The following BBX variants were observed in gnomAD, a reference collection of about 807,000 sequenced individuals.
The protein encoded by BBX is HMG box transcription factor BBX.
A neutral mutation model predicts 100.2 loss-of-function variants in BBX; 30 were observed. That is an observed-to-expected ratio of 0.30 (90% CI 0.22 to 0.41). The LOEUF (loss-of-function observed/expected upper bound fraction) is 0.41. BBX is among the 10% of genes least tolerant of loss of function. BBX has a pLI of 1.00. For missense variants in BBX, 1,023 were observed against 1,129.8 expected (o/e 0.91, Z 1.35); for synonymous variants, 376 against 388.1 (o/e 0.97, Z 0.37).
At chr3:107,622,951 A>G (rs2055889801) in intron 2 of BBX, among the ~76,000 whole-genome samples, 1 of 152,174 alleles carries the variant, frequency 6.6e-6, no homozygotes, top group Non-Finnish European at 1.5e-5. Context: ...TTGCCACCCA[A>G]TGGCCAGTTT....
intron 13 of BBX, among the ~76,000 whole-genome samples, chr3:107,781,209 C>A (rs1383676666): frequency 1.3e-5 from 2 of 151,968 alleles, no homozygotes; most frequent in African/African-American, 2.4e-5. Context: ...TCTCCATATT[C>A]GTATCTGTAT....
chr3:107,796,248 A>C (rs112163933), intron 15 of BBX, among the ~76,000 whole-genome samples: 1 of 152,128 alleles, frequency 6.6e-6, no homozygotes, highest in Non-Finnish European at 1.5e-5. Context: ...ATCTTTCCCA[A>C]CCGACTTGGC....
chr3:107,619,515 T>C (rs1464268115), intron 2 of BBX, among the ~76,000 whole-genome samples: 1 of 152,058 alleles, frequency 6.6e-6, no homozygotes, highest in Non-Finnish European at 1.5e-5. Flanking sequence ...CTTATTATAT[T>C]TACCCATATT....
chr3:107,787,994 T>C (rs1256170556), intron 13 of BBX, among the ~76,000 whole-genome samples: 1 of 152,160 alleles, frequency 6.6e-6, no homozygotes, highest in Non-Finnish European at 1.5e-5. Context: ...GTAATGGAGC[T>C]CTGGATCTCT....
intron 17 of BBX, among the ~76,000 whole-genome samples, chr3:107,801,776 G>C (rs1213469435): frequency 6.6e-6 from 1 of 152,102 alleles, no homozygotes; most frequent in Non-Finnish European, 1.5e-5. Context: ...TGATGGTGTT[G>C]GTGCCATCAC....
chr3:107,679,854 T>A (rs2059484097), intron 3 of BBX, among the ~76,000 whole-genome samples: 1 of 152,200 alleles, frequency 6.6e-6, no homozygotes, highest in Non-Finnish European at 1.5e-5. Context: ...AGCCATATTT[T>A]AAAATGAGTT....
chr3:107,744,405 C>G (rs1195934813), intron 7 of BBX, among the ~76,000 whole-genome samples: 1 of 152,082 alleles, frequency 6.6e-6, no homozygotes, highest in Non-Finnish European at 1.5e-5. Context: ...TTTTGAATAA[C>G]AGTTGACTAC....
chr3:107,786,061 G>A (rs2068389839), intron 13 of BBX, among the ~76,000 whole-genome samples: 1 of 151,932 alleles, frequency 6.6e-6, no homozygotes, highest in Non-Finnish European at 1.5e-5. Flanking sequence ...ATGAGATTAG[G>A]AACACAATTC....
At chr3:107,626,913 T>C (rs1199702152) in intron 2 of BBX, among the ~76,000 whole-genome samples, 1 of 152,032 alleles carries the variant, frequency 6.6e-6, no homozygotes, top group Non-Finnish European at 1.5e-5. Context: ...TCTTGGCCTC[T>C]AGTGCTAAGA....
chr3:107,619,145 C>T (rs1395482003), intron 2 of BBX, among the ~76,000 whole-genome samples: 1 of 152,032 alleles, frequency 6.6e-6, no homozygotes, highest in Non-Finnish European at 1.5e-5. Context: ...GTGTTTCTGT[C>T]TGTGATCATT....
At chr3:107,594,467 G>C (rs1462437648) in intron 2 of BBX, among the ~76,000 whole-genome samples, 1 of 152,188 alleles carries the variant, frequency 6.6e-6, no homozygotes, top group African/African-American at 2.4e-5. Context: ...CGGCAGCGGA[G>C]ATGACAATGA....
chr3:107,695,682 G>T (rs2060537572), intron 3 of BBX, among the ~76,000 whole-genome samples: 3 of 151,642 alleles, frequency 2.0e-5, no homozygotes, highest in Non-Finnish European at 4.4e-5. Flanking sequence ...GTTGATTTGG[G>T]GTGGAGAGTT....
At chr3:107,531,058 T>G (rs965054874) in intron 2 of BBX, among the ~76,000 whole-genome samples, 3 of 152,188 alleles carry the variant, frequency 2.0e-5, no homozygotes, top group African/African-American at 7.2e-5. Flanking sequence ...TAGCAGGTGA[T>G]TCTAAAGCAA....
At position 107,574,038 on chromosome 3, in the gene BBX, A is replaced by G. The variant is rs115811239; in HGVS notation, c.-84+47640A>G. On this transcript the variant is annotated intron_variant, in intron 2 of 17. Coordinates refer to ENST00000325805, the MANE Select transcript of BBX (RefSeq NM_001142568.3). Reference sequence around the variant, plus strand: ...CCACTCCCAGCAAATCTTTTTCTTTATAAGTATTCTTATGTTTGTTCAGAC... The same window carrying G: ...CCACTCCCAGCAAATCTTTTTCTTTGTAAGTATTCTTATGTTTGTTCAGAC... 6.7e-3 allele frequency among the ~76,000 whole-genome samples: 1,013 copies of G among 152,316 alleles called. 6 individuals are homozygous for G. Among genetic ancestry groups the G allele is most frequent in the African/African-American group, 0.023 (944 of 41,584 alleles).
At position 107,556,227 on chromosome 3, in the gene BBX, C is replaced by A. The variant is rs114928404; in HGVS notation, c.-84+29829C>A. Among the ~76,000 whole-genome samples the A allele has an allele frequency of 2.4e-3, 371 of 152,244 alleles. 2 individuals are homozygous for A. Among genetic ancestry groups the A allele is most frequent in the African/African-American group, 8.3e-3 (345 of 41,536 alleles). On this transcript the variant is annotated intron_variant, in intron 2 of 17. Transcript: ENST00000325805. Reference sequence around the variant, plus strand: ...CTTTGCCTTTCATTTTAGAAAATTACTGGTTAATAGACTCCACTGCCTATT... The same window carrying A: ...CTTTGCCTTTCATTTTAGAAAATTAATGGTTAATAGACTCCACTGCCTATT...
chr3:107,560,700 G>A (rs550555416), intron 2 of BBX, among the ~76,000 whole-genome samples: 76 of 152,258 alleles, frequency 5.0e-4, no homozygotes, highest in African/African-American at 1.8e-3. Context: ...AAAGTTTCTG[G>A]AATTCATATT....
intron 10 of BBX, among the ~76,000 whole-genome samples, chr3:107,767,357 G>T (rs1363642003): frequency 6.6e-6 from 1 of 152,106 alleles, no homozygotes; most frequent in Admixed American, 6.5e-5. Context: ...GGCAGAGGCA[G>T]CTTGTCTTCC....
intron 2 of BBX, among the ~76,000 whole-genome samples, chr3:107,609,997 C>A (rs991805411): frequency 2.6e-5 from 4 of 151,998 alleles, no homozygotes; most frequent in African/African-American, 9.7e-5. Flanking sequence ...ATTGTAGGCA[C>A]TTATAGCTAT....
chr3:107,794,496 C>T (rs1465243467), intron 15 of BBX, among the ~76,000 whole-genome samples: 1 of 151,954 alleles, frequency 6.6e-6, no homozygotes, highest in Non-Finnish European at 1.5e-5. Context: ...CACTTCTTTG[C>T]AGTGTATAAA....
Sources: allele counts gnomAD v4.1 joint callset (sites outside exome capture counted in the v4.1 genomes callset), GRCh38; gene constraint gnomAD v4.1.1; transcripts MANE v1.5; gene names NCBI Gene and HGNC (gene_info 2026-07-23, HGNC 2026-07-21).